STX17: variants seen among roughly 807,000 people sequenced by gnomAD.
STX17 encodes syntaxin 17.
In STX17, 29 loss-of-function variants were observed where a neutral mutation model predicts 35.9. That is an observed-to-expected ratio of 0.81 (90% confidence interval 0.60 to 1.10). The LOEUF is 1.10. STX17 is among the 50% of genes least tolerant of loss of function. The probability of loss-of-function intolerance (pLI) is 0.00; values close to 1 mark genes in which losing one functional copy is unlikely to be tolerated. For missense variants in STX17, 312 were observed against 352.3 expected (o/e 0.89, Z 0.92); for synonymous variants, 92 against 118.3 (o/e 0.78, Z 1.44).
At chr9:99,938,616 C>G (rs769803658) in intron 3 of STX17, among the ~76,000 whole-genome samples, 9 of 152,106 alleles carry the variant, frequency 5.9e-5, no homozygotes, top group Non-Finnish European at 1.3e-4. Context: ...GAAACTCTGT[C>G]TCTACAAAAA....
chr9:99,914,710 A>C (rs560350692), intron 1 of STX17, among the ~76,000 whole-genome samples: 4 of 152,334 alleles, frequency 2.6e-5, no homozygotes, highest in Admixed American at 1.3e-4. Context: ...GACATTAGAC[A>C]TGAAGTTTGA....
At chr9:99,918,410 A>G (rs1380465183) in intron 2 of STX17, among the ~76,000 whole-genome samples, 1 of 152,128 alleles carries the variant, frequency 6.6e-6, no homozygotes, top group African/African-American at 2.4e-5. Flanking sequence ...TGCTAGGATT[A>G]CGGATGTGAA....
chr9:99,951,910 T>A lies in STX17; in HGVS notation c.415+625T>A, dbSNP rs35476201. On this transcript the variant is annotated intron_variant, in intron 4 of 7. Transcript: ENST00000259400. ...CTTCAAAGTAGTTGGTCTTTTTTTT[T>A]AAAATCTTTTGGGTATTCAATGGAA... Among the ~76,000 whole-genome samples, 1,032 of 152,140 alleles carry A rather than the reference T, an allele frequency of 6.8e-3. 6 individuals carry two copies. The highest frequency in any genetic ancestry group is 0.011 in the Non-Finnish European group (753 of 67,934).
chr9:99,961,785 C>T (rs909705062), intron 6 of STX17, among the ~76,000 whole-genome samples: 1 of 152,048 alleles, frequency 6.6e-6, no homozygotes, highest in African/African-American at 2.4e-5. Flanking sequence ...CTCAAGAGGC[C>T]AACTAATCTA....
intron 4 of STX17, among the ~76,000 whole-genome samples, chr9:99,956,674 G>A (rs1010508186): frequency 1.3e-5 from 2 of 152,082 alleles, no homozygotes; most frequent in Non-Finnish European, 2.9e-5. Flanking sequence ...ACTCTGTATC[G>A]CCTGCCTTTG....
At chr9:99,926,788 G>C (rs1828995053) in intron 2 of STX17, among the ~76,000 whole-genome samples, 1 of 152,198 alleles carries the variant, frequency 6.6e-6, no homozygotes, top group African/African-American at 2.4e-5. Flanking sequence ...GTGAGCCACT[G>C]CGCCCAGCCT....
At chr9:99,940,293 G>A (rs1829324335) in intron 3 of STX17, among the ~76,000 whole-genome samples, 1 of 151,480 alleles carries the variant, frequency 6.6e-6, no homozygotes, top group Non-Finnish European at 1.5e-5. Context: ...ACCATGCCTG[G>A]ATAATTTTTG....
chr9:99,952,419 T>G (rs1486715152), intron 4 of STX17, among the ~76,000 whole-genome samples: 2 of 152,176 alleles, frequency 1.3e-5, no homozygotes, highest in East Asian at 3.9e-4. Context: ...AGAACACTTT[T>G]ACACTGTTGG....
At position 99,964,724 on chromosome 9, in the gene STX17, G is replaced by C. The variant is rs138365185; in HGVS notation, c.583-2929G>C. On this transcript the variant is annotated intron_variant, in intron 6 of 7. Coordinates refer to ENST00000259400, the MANE Select transcript of STX17 (RefSeq NM_017919.3). Reference sequence around the variant, plus strand: ...CACAGGCTGGGGCAGGGTTGTATATGTATCTTTTGGTCCCACAAAAAGAGC... The same window carrying C: ...CACAGGCTGGGGCAGGGTTGTATATCTATCTTTTGGTCCCACAAAAAGAGC... Among the ~76,000 whole-genome samples, 162 of 152,234 alleles carry C rather than the reference G, an allele frequency of 1.1e-3. 2 individuals are homozygous for C. Among genetic ancestry groups the C allele is most frequent in the African/African-American group, 3.8e-3 (156 of 41,560 alleles).
At position 99,968,737 on chromosome 9, in the gene STX17, C is replaced by T. The variant is rs968394004; in HGVS notation, c.*64C>T. 5 of 1,561,838 alleles carry T rather than the reference C, an allele frequency of 3.2e-6. No homozygotes were observed. Among genetic ancestry groups the T allele is most frequent in the Non-Finnish European group, 4.3e-6 (5 of 1,154,656 alleles). ...CCTGAGGACCTTTGCTGCTGTTGGACACTCCGTCACCTTTTGGAACACAAG... is the reference window on the plus strand; with the variant it reads ...CCTGAGGACCTTTGCTGCTGTTGGATACTCCGTCACCTTTTGGAACACAAG... On this transcript the variant is annotated 3_prime_UTR_variant, in exon 8 of 8. Transcript: ENST00000259400.
intron 2 of STX17, among the ~76,000 whole-genome samples, chr9:99,916,717 TTTC>T (rs1828782731): frequency 6.6e-6 from 1 of 152,146 alleles, no homozygotes; most frequent in African/African-American, 2.4e-5. Flanking sequence ...CATCCTTGAA[TTTC>T]TTCTTTACTT....
chr9:99,912,037 G>A (rs1828676512), intron 1 of STX17, among the ~76,000 whole-genome samples: 1 of 152,160 alleles, frequency 6.6e-6, no homozygotes, highest in Non-Finnish European at 1.5e-5. Flanking sequence ...GACCAGCTTG[G>A]CCAACATGGC....
chr9:99,952,774 G>T (rs981421440), intron 4 of STX17, among the ~76,000 whole-genome samples: 1 of 150,910 alleles, frequency 6.6e-6, no homozygotes, highest in African/African-American at 2.4e-5. Flanking sequence ...GTAAACTATC[G>T]CAAGGACAAA....
At chr9:99,908,923 C>T (rs1296400602) in intron 1 of STX17, among the ~76,000 whole-genome samples, 1 of 152,182 alleles carries the variant, frequency 6.6e-6, no homozygotes, top group Non-Finnish European at 1.5e-5. Flanking sequence ...AAAGTTCATC[C>T]CAGTAGCTTT....
intron 3 of STX17, among the ~76,000 whole-genome samples, chr9:99,932,396 TA>T (rs11362007): frequency 0.63 from 94,928 of 151,646 alleles, 30,076 homozygotes; most frequent in East Asian, 0.7. Flanking sequence ...TATCTCTCTA[TA>T]GCTGTATTTA....
chr9:99,951,094 T>G lies in STX17; in HGVS notation c.224T>G (p.Leu75Arg), dbSNP rs772343160. The G allele has an allele frequency of 1.2e-6, 2 of 1,610,478 alleles. No individual in the cohort carries two copies. Among genetic ancestry groups the G allele is most frequent in the Non-Finnish European group, 1.7e-6 (2 of 1,178,170 alleles). ...TCCAATATCCGAGAAATTGAGAAAC[T>G]TTGTTTGAAAGTCCGAAAGGATGAC... Reference protein sequence around the residue: ...LRSNIREIEKLCLKVRKDDLV... With the variant: ...LRSNIREIEKRCLKVRKDDLV... Residue 75 changes from leucine (L) to arginine (R), a missense_variant, in exon 4 of 8, where the codon CTT becomes CGT. Coordinates refer to ENST00000259400, the MANE Select transcript of STX17 (RefSeq NM_017919.3).
rs566857840 is a variant in STX17 at position 99,950,365 on chromosome 9, C to T, written c.190-695C>T. Among the ~76,000 whole-genome samples, 3 of 151,778 alleles carry T rather than the reference C, an allele frequency of 2.0e-5. No homozygotes were observed. In the South Asian group the frequency reaches 6.2e-4, roughly 32 times the overall value. Reference sequence around the variant, plus strand: ...AAATGCACATTATCATTTGAATATTCCTGTTTCTGGGAGTCTTTCCTACAC... The same window carrying T: ...AAATGCACATTATCATTTGAATATTTCTGTTTCTGGGAGTCTTTCCTACAC... On this transcript the variant is annotated intron_variant, in intron 3 of 7. Transcript: ENST00000259400.
chr9:99,966,970 G>C (rs1423154908), intron 6 of STX17, among the ~76,000 whole-genome samples: 1 of 152,138 alleles, frequency 6.6e-6, no homozygotes. Context: ...TTGCTGTTGT[G>C]CCAGCACAGG....
intron 2 of STX17, among the ~76,000 whole-genome samples, chr9:99,920,465 A>G (rs1387446628): frequency 6.6e-6 from 1 of 152,202 alleles, no homozygotes; most frequent in Non-Finnish European, 1.5e-5. Flanking sequence ...ATGACCTTGT[A>G]AGCTTCTGAA....
Sources: gnomAD v4.1 joint callset for allele counts (sites outside exome capture counted in the v4.1 genomes callset) on GRCh38, gnomAD v4.1.1 for gene constraint, MANE v1.5 for transcripts, NCBI Gene and HGNC (gene_info 2026-07-23, HGNC 2026-07-21) for gene names.